Variants in NGEF observed in about 807,000 individuals in gnomAD.
NGEF encodes ephexin-1.
A neutral mutation model predicts 80.9 loss-of-function variants in NGEF; 31 were observed. The observed-to-expected ratio is 0.38, with a 90% CI of 0.29 to 0.52. The LOEUF (loss-of-function observed/expected upper bound fraction) is 0.52, where lower values mean the gene tolerates loss of function less well. Among genes scored for constraint, NGEF ranks in the 20% least tolerant of loss-of-function variants. The pLI, the probability that NGEF is intolerant of heterozygous loss-of-function variation, is 0.84. For synonymous variants in NGEF, 371 were observed against 370.2 expected (o/e 1.00, Z -0.03); for missense variants, 709 against 926.2 (o/e 0.77, Z 3.04).
intron 3 of NGEF, among the ~76,000 whole-genome samples, chr2:232,931,250 G>A (rs1035317155): frequency 1.3e-5 from 2 of 152,186 alleles, no homozygotes; most frequent in Admixed American, 6.5e-5. Context: ...GTGCCCACTG[G>A]TGTGGCACTG....
At chr2:232,880,001 C>G (rs898276576) in intron 14 of NGEF, among the ~76,000 whole-genome samples, 29 of 152,310 alleles carry the variant, frequency 1.9e-4, no homozygotes, top group Middle Eastern at 3.4e-3. Context: ...AGGGCCACTC[C>G]AAAAAGCTGG....
Position 232,986,662 on chromosome 2 carries a change from T to C in NGEF, c.-74-11698A>G, listed in dbSNP as rs570982687. The stretch of plus-strand genomic sequence containing the variant: ...ATATGTGGAATCTAAAAAGTCAAAC[T>C]CTTAGAAGCAGAGAGTAAAGCAATG... On this transcript the variant is annotated intron_variant, in intron 1 of 14. Coordinates refer to ENST00000264051, the MANE Select transcript of NGEF (RefSeq NM_019850.3). Among the ~76,000 whole-genome samples the C allele has an allele frequency of 7.2e-5, 11 of 152,212 alleles. No homozygotes were observed. In the South Asian group the frequency reaches 2.1e-3, roughly 29 times the overall value.
At chr2:232,921,175 C>T (rs965654771) in intron 4 of NGEF, among the ~76,000 whole-genome samples, 4 of 152,164 alleles carry the variant, frequency 2.6e-5, no homozygotes, top group Admixed American at 6.5e-5. Context: ...GATTTGGGGG[C>T]GCAGCTGAAT....
intron 3 of NGEF, among the ~76,000 whole-genome samples, chr2:232,960,994 A>G (rs1032723019): frequency 1.3e-5 from 2 of 152,284 alleles, no homozygotes; most frequent in East Asian, 3.9e-4. Flanking sequence ...CCTTTCTGCA[A>G]TGATTGTGCT....
At chr2:232,920,684 T>C (rs767494168) in intron 4 of NGEF, 99 bp from the exon 5 acceptor site, 1 of 1,267,948 alleles carries the variant, frequency 7.9e-7, no homozygotes, top group Non-Finnish European at 1.1e-6. Flanking sequence ...CAAGGGTGGC[T>C]GCTGTGTCCA....
At position 232,974,852 on chromosome 2, in the gene NGEF, C is replaced by G. The variant is rs1694260636; in HGVS notation, c.39G>C (p.Arg13=). Residue 13 remains arginine (R), a synonymous_variant, in exon 2 of 15, where the codon CGG becomes CGC. Transcript: ENST00000264051. ...TCCATTGATCACTTGCTGATTTCCT[C>G]CGGGTCTTTTCCAAATCTTCAGATT... ...TRESEDLEKT[R]RKSASDQWNT... is the part of the protein sequence containing the mutation. 1.9e-6 allele frequency: 3 copies of G among 1,613,788 alleles called. No individual in the cohort carries two copies. The South Asian group carries it at 3.3e-5, about 18-fold the overall frequency.
chr2:232,898,059 G>A (rs1234116923), intron 5 of NGEF, among the ~76,000 whole-genome samples: 3 of 95,860 alleles, frequency 3.1e-5, no homozygotes, highest in Admixed American at 2.5e-4. Flanking sequence ...AGGCTATGAC[G>A]GGCAGCCAGT....
chr2:232,916,825 G>A (rs1692812604), intron 5 of NGEF, among the ~76,000 whole-genome samples: 1 of 152,236 alleles, frequency 6.6e-6, no homozygotes, highest in Non-Finnish European at 1.5e-5. Context: ...GGGACCAGCA[G>A]TTCCACTTCC....
chr2:232,910,120 G>A (rs925520504), intron 5 of NGEF, among the ~76,000 whole-genome samples: 4 of 152,064 alleles, frequency 2.6e-5, no homozygotes, highest in Non-Finnish European at 4.4e-5. Flanking sequence ...TGTCATGATT[G>A]GGGGGAGGGT....
At chr2:232,996,009 A>G (rs1694837679) in intron 1 of NGEF, among the ~76,000 whole-genome samples, 1 of 151,950 alleles carries the variant, frequency 6.6e-6, no homozygotes, top group Non-Finnish European at 1.5e-5. Context: ...AGAAATTTGT[A>G]TTACAAAGAC....
At chr2:232,978,479 C>A (rs1427140217) in intron 1 of NGEF, among the ~76,000 whole-genome samples, 3 of 152,208 alleles carry the variant, frequency 2.0e-5, no homozygotes, top group African/African-American at 7.2e-5. Context: ...TGCGCCACTG[C>A]ATTCCAGCCT....
At chr2:232,883,553 C>T in intron 11 of NGEF, 87 bp from the exon 12 acceptor site, 1 of 1,309,556 alleles carries the variant, frequency 7.6e-7, no homozygotes, top group Non-Finnish European at 1.0e-6. Context: ...GGCCAACAAG[C>T]CTGGCTCCAC....
chr2:232,974,204 T>C (rs1694246234), intron 2 of NGEF, among the ~76,000 whole-genome samples: 1 of 152,342 alleles, frequency 6.6e-6, no homozygotes, highest in South Asian at 2.1e-4. Context: ...TCTCATTTAT[T>C]TTCAGAGCAG....
At chr2:232,982,518 G>C (rs2106328661) in intron 1 of NGEF, among the ~76,000 whole-genome samples, 1 of 152,190 alleles carries the variant, frequency 6.6e-6, no homozygotes, top group Non-Finnish European at 1.5e-5. Flanking sequence ...GGTTTGTCTT[G>C]GGCCTTTTTT....
rs1003747620 is a variant in NGEF at position 232,892,523 on chromosome 2, G to GTC, written c.1142+373_1142+374dup. Among the ~76,000 whole-genome samples, 2 of 152,154 alleles carry GTC rather than the reference G, an allele frequency of 1.3e-5. No individual in the cohort carries two copies. The highest frequency in any genetic ancestry group is 4.8e-5 in the African/African-American group (2 of 41,436). On this transcript the variant is annotated intron_variant, in intron 7 of 14. Transcript: ENST00000264051. This position sits in a 1 kb window ranked among gnomAD's most constrained non-coding sequence, Gnocchi z 4.0. Reference sequence around the variant, plus strand: ...TCCTTCCCATCCTGTCCCTGCCCTTGTCGCTAGTTCAAGCCCCGTCTCTGA... The same window carrying GTC: ...TCCTTCCCATCCTGTCCCTGCCCTTGTCTCGCTAGTTCAAGCCCCGTCTCTGA...
At chr2:232,894,713 G>A in intron 6 of NGEF, 43 bp downstream of exon 6, 1 of 1,496,886 alleles carries the variant, frequency 6.7e-7, no homozygotes, top group Non-Finnish European at 9.1e-7. Context: ...CCCTGGGGAT[G>A]AAGAAGGGCC....
At chr2:232,986,924 T>A (rs780279024) in intron 1 of NGEF, among the ~76,000 whole-genome samples, 1 of 152,182 alleles carries the variant, frequency 6.6e-6, no homozygotes, top group Non-Finnish European at 1.5e-5. Flanking sequence ...ATATACACAG[T>A]TTATAAGTCA....
chr2:232,964,447 T>G (rs921757339), intron 3 of NGEF, among the ~76,000 whole-genome samples: 3 of 151,834 alleles, frequency 2.0e-5, no homozygotes, highest in Admixed American at 2.0e-4. Flanking sequence ...AATCCCAACA[T>G]TTTGGGAGGC....
At chr2:232,965,285 GA>G (rs1361571278) in intron 3 of NGEF, among the ~76,000 whole-genome samples, 1 of 152,192 alleles carries the variant, frequency 6.6e-6, no homozygotes, top group African/African-American at 2.4e-5. Context: ...CAAGGAGACA[GA>G]GAATGATTTT....
Sources: gnomAD v4.1 joint callset for allele counts (sites outside exome capture counted in the v4.1 genomes callset) on GRCh38, gnomAD v4.1.1 for gene constraint, Gnocchi (gnomAD v3.1) non-coding constraint, MANE v1.5 for transcripts, NCBI Gene and HGNC (gene_info 2026-07-23, HGNC 2026-07-21) for gene names.